Variants in LRRC34 observed in about 807,000 individuals in gnomAD.
LRRC34 encodes the protein leucine rich repeat containing 34, also known as leucine-rich repeat-containing protein 34.
In LRRC34, 44 loss-of-function variants were observed where a neutral mutation model predicts 48.5. The ratio of observed to expected loss-of-function variants is 0.91; its 90% CI spans 0.71 to 1.17. The LOEUF is 1.17. Among genes scored for constraint, LRRC34 ranks in the 50% most tolerant of loss-of-function variants. The pLI, the probability that LRRC34 is intolerant of heterozygous loss-of-function variation, is 0.00. For missense variants in LRRC34, 502 were observed against 563.0 expected (o/e 0.89, Z 1.10); for synonymous variants, 192 against 197.6 (o/e 0.97, Z 0.24).
In LRRC34 at chr3:169,797,098, T is replaced by TA. The variant is rs138989683; in HGVS notation, c.754-200dup. Reference sequence around the variant, plus strand: ...TGATATTTTTTACCTTCTCAGAAGGTAAAATATAGTCACTATATTTTACAA... The same window carrying TA: ...TGATATTTTTTACCTTCTCAGAAGGTAAAAATATAGTCACTATATTTTACAA... On this transcript the variant is annotated intron_variant, in intron 7 of 10. Coordinates refer to ENST00000446859, the MANE Select transcript of LRRC34 (RefSeq NM_001172779.2). 3.9e-3 allele frequency: 1,409 copies of TA among 362,366 alleles called. 19 individuals carry two copies. The highest frequency in any genetic ancestry group is 0.026 in the African/African-American group (1,251 of 47,678). 22.4% of individuals were successfully genotyped at this position (362,366 alleles called of 1,614,324 possible).
chr3:169,796,993 A>G (rs1315942180), intron 7 of LRRC34, 94 bp from the exon 8 acceptor site: 1 of 1,016,564 alleles, frequency 9.8e-7, no homozygotes, highest in African/African-American at 1.7e-5. Flanking sequence ...AGCTTTTTAA[A>G]AAGATTATAT....
intron 5 of LRRC34, among the ~76,000 whole-genome samples, chr3:169,804,524 T>C (rs1779307632): frequency 6.6e-6 from 1 of 152,156 alleles, no homozygotes; most frequent in South Asian, 2.1e-4. Context: ...GGTCTCGATC[T>C]GACCTCGTGA....
intron 10 of LRRC34, chr3:169,794,284 C>T (rs761281365): frequency 2.5e-5 from 4 of 158,954 alleles, no homozygotes; most frequent in Non-Finnish European, 4.1e-5. Flanking sequence ...AAGGGAATCC[C>T]AGATTTGGAC....
intron 10 of LRRC34, 62 bp from the exon 11 acceptor site, chr3:169,793,900 A>T (rs958518139): frequency 7.9e-6 from 9 of 1,138,190 alleles, no homozygotes; most frequent in Non-Finnish European, 1.1e-5. Flanking sequence ...TACAGTGCTT[A>T]CGGAAATTTA....
chr3:169,795,248 C>T, intron 10 of LRRC34: 1 of 239,262 alleles, frequency 4.2e-6, no homozygotes, highest in South Asian at 1.3e-4. Context: ...TTTTTCTTAA[C>T]CTTAGAGGAA....
At chr3:169,804,459 C>A (rs554571664) in intron 5 of LRRC34, among the ~76,000 whole-genome samples, 1 of 152,220 alleles carries the variant, frequency 6.6e-6, no homozygotes, top group Middle Eastern at 3.4e-3. Flanking sequence ...CCACGCCTGG[C>A]TAATTTTTTT....
At chr3:169,797,150 G>A in intron 7 of LRRC34, 1 of 260,896 alleles carries the variant, frequency 3.8e-6, no homozygotes, top group Non-Finnish European at 7.1e-6. Context: ...TGATGTAAAA[G>A]AGGCTGGTTA....
At chr3:169,808,606 A>G in intron 2 of LRRC34, 22 bp downstream of exon 2, 2 of 1,188,720 alleles carry the variant, frequency 1.7e-6, no homozygotes, top group Non-Finnish European at 2.5e-6. Context: ...TATTAATGTA[A>G]TCAAGTATTT....
chr3:169,795,362 T>G, intron 10 of LRRC34, 123 bp downstream of exon 10: 1 of 992,068 alleles, frequency 1.0e-6, no homozygotes, highest in Non-Finnish European at 1.4e-6. Flanking sequence ...AAGACTTATG[T>G]TAATTATCAA....
Position 169,796,764 on chromosome 3 carries a change from G to T in LRRC34, c.889C>A (p.Arg297Ser), listed in dbSNP as rs748826240. The change falls in exon 8 of 11, where the codon CGC becomes AGC. Residue 297 changes from arginine (R) to serine (S), a missense_variant. Transcript: ENST00000446859. Reference sequence around the variant, plus strand: ...ACTTACCAGCTGACATCAAGGTAGCGCAGGCTACTGTTCAGATACAGTGCA... The same window carrying T: ...ACTTACCAGCTGACATCAAGGTAGCTCAGGCTACTGTTCAGATACAGTGCA... ...CDALYLNSSL[R>S]YLDVSCNKIT... is the part of the protein sequence containing the mutation. The T allele has an allele frequency of 7.5e-6, 12 of 1,605,524 alleles. No individual in the cohort carries two copies. In the South Asian group the frequency reaches 1.4e-4, roughly 18 times the overall value.
intron 1 of LRRC34, among the ~76,000 whole-genome samples, chr3:169,810,802 C>G (rs912860077): frequency 2.0e-5 from 3 of 152,214 alleles, no homozygotes; most frequent in Non-Finnish European, 4.4e-5. Flanking sequence ...CGGTGGCTTA[C>G]GCCTGTAATC....
At position 169,807,721 on chromosome 3, in the gene LRRC34, C is replaced by CAAAAAAA. The variant is rs377198673; in HGVS notation, c.258-19_258-13dup. On this transcript the variant is annotated splice_polypyrimidine_tract_variant and intron_variant, in intron 2 of 10. Coordinates refer to ENST00000446859, the MANE Select transcript of LRRC34 (RefSeq NM_001172779.2). ...TTCCTGCTGCTAGCCTGTTAAAATA[C>CAAAAAAA]AAAAAAAAAAAAAAAAAAAAAAGAT... is the stretch of plus-strand genomic sequence containing the variant. The CAAAAAAA allele has an allele frequency of 5.3e-5, 47 of 883,664 alleles. No homozygotes were observed. Among genetic ancestry groups the CAAAAAAA allele is most frequent in the African/African-American group, 2.3e-4 (8 of 35,064 alleles). 54.7% of individuals were successfully genotyped at this position (883,664 alleles called of 1,614,324 possible).
chr3:169,795,841 A>T, intron 9 of LRRC34: 1 of 1,200,754 alleles, frequency 8.3e-7, no homozygotes, highest in South Asian at 3.1e-5. Flanking sequence ...TATTCAGTAA[A>T]TGTTTGGGTG....
chr3:169,812,568 A>G lies in LRRC34; in HGVS notation c.-20T>C. ...TGCCATGGCGACCGCGCGCGCACTT[A>G]CAGTCCGCCTGCAGCTGTGAGGCGG... On this transcript the variant is annotated 5_prime_UTR_variant, in exon 1 of 11. Transcript: ENST00000446859. This position sits in a 1 kb window ranked among gnomAD's most constrained non-coding sequence, Gnocchi z 4.3. 4.1e-6 allele frequency: 6 copies of G among 1,464,300 alleles called. No homozygotes were observed. Among genetic ancestry groups the G allele is most frequent in the Non-Finnish European group, 5.4e-6 (6 of 1,115,086 alleles). 90.7% of individuals were successfully genotyped at this position (1,464,300 alleles called of 1,614,324 possible).
chr3:169,811,592 C>G (rs540677325), intron 1 of LRRC34, among the ~76,000 whole-genome samples: 2 of 152,272 alleles, frequency 1.3e-5, no homozygotes, highest in South Asian at 4.1e-4. Context: ...TTTTTTCATC[C>G]ACGCCTCTGG....
chr3:169,808,539 G>T, intron 2 of LRRC34, 89 bp downstream of exon 2: 2 of 727,352 alleles, frequency 2.7e-6, no homozygotes, highest in South Asian at 1.8e-5. Context: ...ATTTTCAAAT[G>T]GCTATAAAAT....
chr3:169,801,468 C>T (rs770208868), intron 6 of LRRC34, among the ~76,000 whole-genome samples: 1 of 152,180 alleles, frequency 6.6e-6, no homozygotes, highest in East Asian at 1.9e-4. Context: ...TTCTTGCCAC[C>T]CTTTACTTCT....
chr3:169,802,739 G>A (rs897510323), intron 6 of LRRC34, among the ~76,000 whole-genome samples: 7 of 152,092 alleles, frequency 4.6e-5, no homozygotes, highest in East Asian at 1.9e-4. Context: ...TTGGGAGGCC[G>A]AGGCAGGTGG....
intron 8 of LRRC34, 127 bp downstream of exon 8, chr3:169,796,618 G>C: frequency 9.5e-7 from 1 of 1,050,786 alleles, no homozygotes. Context: ...ACAAAGGATT[G>C]ACAATTGGTT....
Sources: gnomAD v4.1 joint callset for allele counts (sites outside exome capture counted in the v4.1 genomes callset) on GRCh38, gnomAD v4.1.1 for gene constraint, Gnocchi (gnomAD v3.1) non-coding constraint, MANE v1.5 for transcripts, NCBI Gene and HGNC (gene_info 2026-07-23, HGNC 2026-07-21) for gene names.